Variants in GALNT10 observed in about 807,000 individuals in gnomAD.
GALNT10 encodes polypeptide N-acetylgalactosaminyltransferase 10.
GALNT10 carries 41 observed loss-of-function variants against 75.0 expected under a neutral mutation model. The ratio of observed to expected loss-of-function variants is 0.55; its 90% confidence interval spans 0.43 to 0.71. GALNT10 has a LOEUF of 0.71. GALNT10 is among the 30% of genes least tolerant of loss of function. The pLI is 0.00. For synonymous variants in GALNT10, 302 were observed against 313.0 expected (o/e 0.96, Z 0.37); for missense variants, 727 against 818.5 (o/e 0.89, Z 1.36).
chr5:154,372,677 G>A (rs1175908078), intron 4 of GALNT10, among the ~76,000 whole-genome samples: 3 of 152,198 alleles, frequency 2.0e-5, no homozygotes, highest in Non-Finnish European at 4.4e-5. Context: ...TGTGCTCAGT[G>A]TCATCCCACC....
intron 4 of GALNT10, among the ~76,000 whole-genome samples, chr5:154,333,107 G>A (rs1442390874): frequency 6.6e-6 from 1 of 152,204 alleles, no homozygotes; most frequent in Non-Finnish European, 1.5e-5. Flanking sequence ...TGGGGTTCAG[G>A]TGCCTCTCCT....
chr5:154,394,413 A>T (rs2113199154), intron 7 of GALNT10, among the ~76,000 whole-genome samples: 1 of 151,668 alleles, frequency 6.6e-6, no homozygotes, highest in South Asian at 2.1e-4. Context: ...AAAAGAAGGC[A>T]GGACACACCC....
At position 154,416,995 on chromosome 5, in the gene GALNT10, C is replaced by T; in HGVS notation, c.*23C>T. 2 of 1,609,070 alleles carry T rather than the reference C, an allele frequency of 1.2e-6. No individual in the cohort carries two copies. Among genetic ancestry groups the T allele is most frequent in the Non-Finnish European group, 1.7e-6 (2 of 1,175,996 alleles). On this transcript the variant is annotated 3_prime_UTR_variant, in exon 12 of 12. Transcript: ENST00000297107. This position sits in a 1 kb window ranked among gnomAD's most constrained non-coding sequence, Gnocchi z 4.5. ...TGAGCCCTCATGTCCCCTTGGCAGG[C>T]CCCCCAGGGTCTGGCACTCACTGCA...
At position 154,416,480 on chromosome 5, in the gene GALNT10, T is replaced by TACACACAC. The variant is rs70978542; in HGVS notation, c.1654-303_1654-296dup. Among the ~76,000 whole-genome samples the TACACACAC allele has an allele frequency of 0.17, 24,628 of 141,668 alleles. 2,386 individuals are homozygous for TACACACAC. The highest frequency in any genetic ancestry group is 0.24 in the African/African-American group (8,714 of 36,822). 92.9% of individuals were successfully genotyped at this position (141,668 alleles called of 152,430 possible). A position where few individuals can be genotyped will look rare whatever the true frequency, so the allele number is the denominator to read the frequency against. The stretch of plus-strand genomic sequence containing the variant: ...AAATAAAAGATAAAAGGAAAGCACA[T>TACACACAC]ACACACACACACACACACACACACA... On this transcript the variant is annotated intron_variant, in intron 11 of 11. Transcript: ENST00000297107. This position sits in a 1 kb window ranked among gnomAD's most constrained non-coding sequence, Gnocchi z 4.5.
chr5:154,205,227 G>C (rs146020139), intron 1 of GALNT10, among the ~76,000 whole-genome samples: 1 of 152,198 alleles, frequency 6.6e-6, no homozygotes, highest in Non-Finnish European at 1.5e-5. Flanking sequence ...AAAGGACACC[G>C]TTTCTCTTGA....
intron 7 of GALNT10, among the ~76,000 whole-genome samples, chr5:154,401,578 C>G (rs981490784): frequency 2.0e-5 from 3 of 152,208 alleles, no homozygotes; most frequent in African/African-American, 7.2e-5. Flanking sequence ...CCCATTATCT[C>G]GAGACCAATG....
Position 154,402,922 on chromosome 5 carries a change from A to C in GALNT10, c.1057-1182A>C, listed in dbSNP as rs1463441726. ...CTGTGGGTTACACAGGTCAGTCCTCATGTGACTCACTGGGAGGCATCTACA... is the reference window on the plus strand; with the variant it reads ...CTGTGGGTTACACAGGTCAGTCCTCCTGTGACTCACTGGGAGGCATCTACA... On this transcript the variant is annotated intron_variant, in intron 7 of 11. Transcript: ENST00000297107. This position sits in a 1 kb window ranked among gnomAD's most constrained non-coding sequence, Gnocchi z 4.2. 6.6e-6 allele frequency: 1 copy of C among 151,166 alleles called. No individual in the cohort carries two copies. Among genetic ancestry groups the C allele is most frequent in the Admixed American group, 6.6e-5 (1 of 15,206 alleles). The allele number at this position is 151,166 out of a possible 1,614,324, so 9.4% of individuals were successfully genotyped here.
At chr5:154,343,179 G>A (rs942174653) in intron 4 of GALNT10, among the ~76,000 whole-genome samples, 1 of 152,114 alleles carries the variant, frequency 6.6e-6, no homozygotes, top group Non-Finnish European at 1.5e-5. Flanking sequence ...GCTTTCTGAG[G>A]ATTGTGATGC....
intron 1 of GALNT10, among the ~76,000 whole-genome samples, chr5:154,214,488 A>G (rs532859773): frequency 8.2e-4 from 125 of 151,884 alleles, no homozygotes; most frequent in African/African-American, 2.8e-3. Context: ...AAAACCCCAA[A>G]CCTCCTCCCT....
chr5:154,331,720 G>A (rs1008188965), intron 4 of GALNT10, among the ~76,000 whole-genome samples: 3 of 152,170 alleles, frequency 2.0e-5, no homozygotes, highest in Non-Finnish European at 2.9e-5. Flanking sequence ...ATGTGTGGGT[G>A]CAGGTATGTC....
rs1451009597 is a variant in GALNT10 at position 154,403,964 on chromosome 5, A to G, written c.1057-140A>G. On this transcript the variant is annotated intron_variant, in intron 7 of 11. Transcript: ENST00000297107. ...TGTTATTATATTACTGTGTTTTCCC[A>G]TGTCATTAGGTCTGTGATCCAGGCT... The G allele has an allele frequency of 8.1e-6, 6 of 736,590 alleles. No homozygotes were observed. In the East Asian group the frequency reaches 1.6e-4, roughly 19 times the overall value. 45.6% of individuals were successfully genotyped at this position (736,590 alleles called of 1,614,324 possible).
chr5:154,385,286 C>T (rs939662705), intron 6 of GALNT10, among the ~76,000 whole-genome samples: 10 of 152,260 alleles, frequency 6.6e-5, no homozygotes, highest in Non-Finnish European at 1.2e-4. Context: ...CCCTGGGGGA[C>T]GCTGACAGTC....
chr5:154,304,481 A>T (rs1456060097), intron 3 of GALNT10, among the ~76,000 whole-genome samples: 1 of 152,192 alleles, frequency 6.6e-6, no homozygotes, highest in Non-Finnish European at 1.5e-5. Context: ...AAAGTACAGA[A>T]ATGTCAGTAA....
rs371224259 is a variant in GALNT10, at chr5:154,415,761, T to C, written c.1504-22T>C. 47 of 1,599,782 alleles carry C rather than the reference T, an allele frequency of 2.9e-5. No individual in the cohort carries two copies. The African/African-American group carries it at 6.2e-4, about 21-fold the overall frequency. ...AAAGTCCTTGGCTTTGCTATCCCTATTTATGATGCCCCTGTGCACAGGTAT... is the reference window on the plus strand; with the variant it reads ...AAAGTCCTTGGCTTTGCTATCCCTACTTATGATGCCCCTGTGCACAGGTAT... On this transcript the variant is annotated intron_variant, in intron 10 of 11. Coordinates refer to ENST00000297107, the MANE Select transcript of GALNT10 (RefSeq NM_198321.4).
At chr5:154,350,689 A>G (rs1427933928) in intron 4 of GALNT10, among the ~76,000 whole-genome samples, 1 of 152,198 alleles carries the variant, frequency 6.6e-6, no homozygotes, top group African/African-American at 2.4e-5. Flanking sequence ...GCTGATTTCA[A>G]GCTACCAATG....
chr5:154,357,320 G>A (rs10073999), intron 4 of GALNT10, among the ~76,000 whole-genome samples: 2 of 152,030 alleles, frequency 1.3e-5, no homozygotes, highest in African/African-American at 2.4e-5. Flanking sequence ...CAAGCAACAC[G>A]TCTCTAACTA....
intron 7 of GALNT10, chr5:154,388,697 T>G (rs1167994049): frequency 6.6e-6 from 1 of 151,814 alleles, no homozygotes; most frequent in Non-Finnish European, 1.5e-5. Context: ...GATTTTTTTT[T>G]TTTTTTTGCC....
intron 1 of GALNT10, among the ~76,000 whole-genome samples, chr5:154,243,255 G>A (rs1753366823): frequency 1.3e-5 from 2 of 152,294 alleles, no homozygotes; most frequent in South Asian, 4.1e-4. Flanking sequence ...CCTCCCTCGG[G>A]AACAGGGACT....
chr5:154,294,913 G>T lies in GALNT10; in HGVS notation c.257G>T (p.Arg86Leu). The T allele has an allele frequency of 2.6e-6, 4 of 1,518,898 alleles. No individual in the cohort carries two copies. Among genetic ancestry groups the T allele is most frequent in the Non-Finnish European group, 3.7e-6 (4 of 1,093,056 alleles). 94.1% of individuals were successfully genotyped at this position (1,518,898 alleles called of 1,614,324 possible). A position where few individuals can be genotyped will look rare whatever the true frequency, so the allele number is the denominator to read the frequency against. The change falls in exon 2 of 12, where the codon CGC becomes CTC. Residue 86 changes from arginine to leucine, a missense_variant. Arg to Leu is a moderately radical substitution (Grantham distance 102). Coordinates refer to ENST00000297107, the MANE Select transcript of GALNT10 (RefSeq NM_198321.4). ...DKEAIRRDAQ[R>L]VGNGEQGRPY... Reference sequence around the variant, plus strand: ...GAGGCCATCCGGAGGGACGCTCAGCGCGTAGGTACGGAGGGCAGGATTGGC... The same window carrying T: ...GAGGCCATCCGGAGGGACGCTCAGCTCGTAGGTACGGAGGGCAGGATTGGC...
Sources: gnomAD v4.1 joint callset for allele counts (sites outside exome capture counted in the v4.1 genomes callset) on GRCh38, gnomAD v4.1.1 for gene constraint, Gnocchi (gnomAD v3.1) non-coding constraint, MANE v1.5 for transcripts, NCBI Gene and HGNC (gene_info 2026-07-23, HGNC 2026-07-21) for gene names.